ZPBP: variants seen among roughly 807,000 people sequenced by gnomAD.
ZPBP encodes zona pellucida binding protein, also known as zona pellucida-binding protein 1.
In ZPBP, 26 loss-of-function variants were observed where a neutral mutation model predicts 44.8. The ratio of observed to expected loss-of-function variants is 0.58; its 90% CI spans 0.43 to 0.81. The LOEUF (loss-of-function observed/expected upper bound fraction) is 0.81. ZPBP is among the 30% of genes least tolerant of loss of function. The pLI is 0.00. For missense variants in ZPBP, 409 were observed against 434.0 expected (o/e 0.94, Z 0.51); for synonymous variants, 174 against 153.2 (o/e 1.14, Z -1.00).
chr7:49,965,241 T>C (rs532118478), intron 7 of ZPBP, among the ~76,000 whole-genome samples: 1 of 151,452 alleles, frequency 6.6e-6, no homozygotes, highest in East Asian at 1.9e-4. Context: ...TCAAAAGCAA[T>C]GATAAAGATA....
At chr7:49,905,810 G>T (rs759145810) in intron 1 of ZPBP, among the ~76,000 whole-genome samples, 10 of 152,186 alleles carry the variant, frequency 6.6e-5, no homozygotes, top group Non-Finnish European at 1.2e-4. Context: ...TAAAGCCCTT[G>T]CTGATAAAAC....
intron 6 of ZPBP, among the ~76,000 whole-genome samples, chr7:49,998,195 C>T (rs550628412): frequency 1.4e-4 from 21 of 152,204 alleles, no homozygotes; most frequent in East Asian, 1.9e-4. Context: ...GGATTACAGG[C>T]GTGAACCACC....
At chr7:49,871,304 TC>T in intron 2 of ZPBP, among the ~76,000 whole-genome samples, 1 of 152,306 alleles carries the variant, frequency 6.6e-6, no homozygotes, top group African/African-American at 2.4e-5. Context: ...CAAGTCGGAT[TC>T]CCTGAAGCAC....
At chr7:50,053,572 C>T (rs770891226) in intron 4 of ZPBP, among the ~76,000 whole-genome samples, 17 of 152,074 alleles carry the variant, frequency 1.1e-4, no homozygotes, top group South Asian at 2.1e-4. Context: ...TTGTTAAGTA[C>T]GTCAAAACAT....
Position 49,996,254 on chromosome 7 carries a change from T to A in ZPBP, c.784-12735A>T, listed in dbSNP as rs573743916. 1.3e-3 allele frequency among the ~76,000 whole-genome samples: 199 copies of A among 152,242 alleles called. 1 individual carries two copies. The highest frequency in any genetic ancestry group is 4.6e-3 in the African/African-American group (190 of 41,546). ...ACGGGTCACAAAACTTTGCAGGGGT[T>A]CTCCCGGCTGCTAAATATGTCTGTT... On this transcript the variant is annotated intron_variant, in intron 6 of 7. Coordinates refer to ENST00000046087, the MANE Select transcript of ZPBP (RefSeq NM_007009.3).
intron 6 of ZPBP, among the ~76,000 whole-genome samples, chr7:49,991,116 T>A (rs986442135): frequency 2.6e-5 from 4 of 152,052 alleles, no homozygotes; most frequent in African/African-American, 7.2e-5. Flanking sequence ...TCAAAAGGGG[T>A]TGGAAAAATA....
intron 2 of ZPBP, among the ~76,000 whole-genome samples, chr7:50,086,309 G>T (rs1802645492): frequency 6.6e-6 from 1 of 151,958 alleles, no homozygotes; most frequent in Non-Finnish European, 1.5e-5. Context: ...TATGAGACAT[G>T]CAGAAACCCA....
At chr7:50,075,584 C>T (rs567853020) in intron 3 of ZPBP, among the ~76,000 whole-genome samples, 88 of 152,020 alleles carry the variant, frequency 5.8e-4, no homozygotes, top group African/African-American at 2.0e-3. Context: ...ATGACTGATA[C>T]TGCAGAAATT....
intron 2 of ZPBP, among the ~76,000 whole-genome samples, chr7:49,896,255 C>G (rs1037382473): frequency 6.6e-6 from 1 of 152,088 alleles, no homozygotes; most frequent in African/African-American, 2.4e-5. Flanking sequence ...GCACAAGAAT[C>G]GCTTGAACCC....
chr7:50,030,842 C>T (rs1435012003), intron 5 of ZPBP, among the ~76,000 whole-genome samples: 1 of 152,096 alleles, frequency 6.6e-6, no homozygotes, highest in Non-Finnish European at 1.5e-5. Flanking sequence ...ATTCCTTATA[C>T]TAAATTCCAC....
intron 2 of ZPBP, among the ~76,000 whole-genome samples, chr7:49,860,039 T>G (rs1400341494): frequency 6.6e-6 from 1 of 152,150 alleles, no homozygotes; most frequent in Non-Finnish European, 1.5e-5. Flanking sequence ...CTTTAAAGTT[T>G]CATAATTTTA....
chr7:49,891,613 TA>T lies in ZPBP; in HGVS notation n.509+9504del, dbSNP rs200840385. Among the ~76,000 whole-genome samples the T allele has an allele frequency of 6.8e-4, 102 of 151,096 alleles. 2 individuals are homozygous for T. In the South Asian group the frequency reaches 0.018, roughly 27 times the overall value. On this transcript the variant is annotated intron_variant and non_coding_transcript_variant, in intron 2 of 2. Transcript: ENST00000465922. The stretch of plus-strand genomic sequence containing the variant: ...CGCCAGGGTCGATAAAATATAACAA[TA>T]AAAAAAAACAGCAATAATACCAACA...
At chr7:50,020,638 A>G (rs1276484285) in intron 5 of ZPBP, among the ~76,000 whole-genome samples, 1 of 152,092 alleles carries the variant, frequency 6.6e-6, no homozygotes, top group Non-Finnish European at 1.5e-5. Flanking sequence ...AGCTTTTTGT[A>G]AGATAAGTTT....
At chr7:49,907,982 G>A (rs1166616091) in intron 1 of ZPBP, among the ~76,000 whole-genome samples, 1 of 152,108 alleles carries the variant, frequency 6.6e-6, no homozygotes, top group Admixed American at 6.5e-5. Context: ...GAAAAGACCT[G>A]GAAAGGGAAG....
intron 2 of ZPBP, among the ~76,000 whole-genome samples, chr7:49,866,400 T>A (rs1790892008): frequency 6.6e-6 from 1 of 152,212 alleles, no homozygotes; most frequent in Non-Finnish European, 1.5e-5. Context: ...TGCTGCAGGC[T>A]CACTTAGGGC....
chr7:50,040,665 C>T (rs953287863), intron 4 of ZPBP, among the ~76,000 whole-genome samples: 50 of 152,272 alleles, frequency 3.3e-4, no homozygotes, highest in Admixed American at 3.3e-4. Context: ...AACCTGCAGA[C>T]CAGGAGATTC....
intron 6 of ZPBP, among the ~76,000 whole-genome samples, chr7:49,998,398 G>A (rs1048027405): frequency 4.6e-5 from 7 of 152,262 alleles, no homozygotes; most frequent in East Asian, 1.9e-4. Context: ...TACTTGAGCC[G>A]GGAATTCAAA....
At chr7:50,052,012 A>C (rs557806689) in intron 4 of ZPBP, among the ~76,000 whole-genome samples, 1 of 152,294 alleles carries the variant, frequency 6.6e-6, no homozygotes, top group East Asian at 1.9e-4. Flanking sequence ...CAGAAAAAAA[A>C]CAGACTATCT....
At chr7:49,880,689 G>C (rs1170398291) in intron 2 of ZPBP, among the ~76,000 whole-genome samples, 1 of 151,982 alleles carries the variant, frequency 6.6e-6, no homozygotes, top group Non-Finnish European at 1.5e-5. Context: ...TTGTGGGATG[G>C]GGGAAGGGGG....
Sources: allele counts gnomAD v4.1 joint callset (sites outside exome capture counted in the v4.1 genomes callset), GRCh38; gene constraint gnomAD v4.1.1; transcripts MANE v1.5; gene names NCBI Gene and HGNC (gene_info 2026-07-23, HGNC 2026-07-21).